Variants in FHIT observed in about 807,000 individuals in gnomAD.
FHIT encodes bis(5'-adenosyl)-triphosphatase.
A neutral mutation model predicts 17.9 loss-of-function variants in FHIT; 19 were observed. That is an observed-to-expected ratio of 1.06 (90% confidence interval 0.74 to 1.56). The LOEUF (loss-of-function observed/expected upper bound fraction) is 1.56, where lower values mean the gene tolerates loss of function less well. FHIT is among the 40% of genes most tolerant of loss of function. The pLI is 0.00. For missense variants in FHIT, 248 were observed against 189.2 expected, an observed-to-expected ratio of 1.31 and a Z score of -1.82; for synonymous variants, 81 against 69.7, an observed-to-expected ratio of 1.16 and a Z score of -0.81.
intron 5 of FHIT, among the ~76,000 whole-genome samples, chr3:60,080,355 T>G (rs527387675): frequency 6.6e-6 from 1 of 152,148 alleles, no homozygotes. Flanking sequence ...TCAGATTTAA[T>G]AGAAATAGCT....
chr3:60,430,973 A>G (rs556009443), intron 5 of FHIT, among the ~76,000 whole-genome samples: 14 of 152,120 alleles, frequency 9.2e-5, no homozygotes, highest in African/African-American at 3.4e-4. Flanking sequence ...GCACTTTGGG[A>G]GGCCAAAGTG....
intron 4 of FHIT, among the ~76,000 whole-genome samples, chr3:60,761,011 C>T (rs1312499320): frequency 6.6e-6 from 1 of 152,124 alleles, no homozygotes; most frequent in Non-Finnish European, 1.5e-5. Context: ...TGAAGCCTTA[C>T]TTTTAATAGC....
intron 7 of FHIT, among the ~76,000 whole-genome samples, chr3:59,946,576 T>C (rs559342215): frequency 9.2e-5 from 14 of 152,210 alleles, no homozygotes; most frequent in Admixed American, 2.0e-4. Context: ...GTGGTGAGAG[T>C]GGGCATCCTT....
At chr3:60,329,978 A>C (rs6762886) in intron 5 of FHIT, among the ~76,000 whole-genome samples, 55,907 of 152,174 alleles carry the variant, frequency 0.37, 12,046 homozygotes, top group South Asian at 0.58. Context: ...GGTATCATCA[A>C]ATTAAAAATT....
intron 8 of FHIT, among the ~76,000 whole-genome samples, chr3:59,836,508 T>A (rs1701345235): frequency 6.6e-6 from 1 of 152,194 alleles, no homozygotes; most frequent in Non-Finnish European, 1.5e-5. Flanking sequence ...ACAGGAAGGC[T>A]GACCTCTGCA....
chr3:60,197,966 A>G (rs1702722536), intron 5 of FHIT, among the ~76,000 whole-genome samples: 1 of 152,208 alleles, frequency 6.6e-6, no homozygotes, highest in South Asian at 2.1e-4. Flanking sequence ...TGATGAGCTG[A>G]AATCAGTTAT....
At chr3:59,796,187 T>G (rs1204230195) in intron 8 of FHIT, among the ~76,000 whole-genome samples, 1 of 152,200 alleles carries the variant, frequency 6.6e-6, no homozygotes, top group Admixed American at 6.5e-5. Flanking sequence ...CTAGCCTGTG[T>G]CCAACACATA....
At chr3:60,748,060 G>T (rs989861698) in intron 4 of FHIT, among the ~76,000 whole-genome samples, 2 of 152,140 alleles carry the variant, frequency 1.3e-5, no homozygotes, top group African/African-American at 4.8e-5. Flanking sequence ...ACTGCTGGGG[G>T]CCTTGAGTGT....
At chr3:60,356,296 G>A (rs1349172118) in intron 5 of FHIT, among the ~76,000 whole-genome samples, 1 of 152,124 alleles carries the variant, frequency 6.6e-6, no homozygotes. Flanking sequence ...AGAACAGATT[G>A]AGTTCAACTG....
chr3:59,933,294 A>G (rs1706063716), intron 7 of FHIT, among the ~76,000 whole-genome samples: 1 of 152,154 alleles, frequency 6.6e-6, no homozygotes, highest in Non-Finnish European at 1.5e-5. Flanking sequence ...ATAAGCCAAA[A>G]AGCTTTACTT....
intron 4 of FHIT, among the ~76,000 whole-genome samples, chr3:60,821,690 T>C (rs1378633205): frequency 2.6e-5 from 4 of 152,212 alleles, no homozygotes; most frequent in Non-Finnish European, 5.9e-5. Context: ...GAAGTCATCA[T>C]TCTTTTATTT....
intron 4 of FHIT, among the ~76,000 whole-genome samples, chr3:60,769,439 C>T (rs964280103): frequency 6.6e-6 from 1 of 152,144 alleles, no homozygotes; most frequent in African/African-American, 2.4e-5. Flanking sequence ...AGAGGTCTTA[C>T]AACTCAAGTG....
chr3:60,916,911 A>C (rs1258303963), intron 3 of FHIT, among the ~76,000 whole-genome samples: 13 of 152,206 alleles, frequency 8.5e-5, no homozygotes, highest in Non-Finnish European at 1.9e-4. Flanking sequence ...CGCATAAAAA[A>C]ATCCATCTCC....
At chr3:60,455,132 G>A (rs985572673) in intron 5 of FHIT, among the ~76,000 whole-genome samples, 2 of 152,036 alleles carry the variant, frequency 1.3e-5, no homozygotes, top group African/African-American at 4.8e-5. Context: ...GGTAGGGTGA[G>A]GGGAGTGAAT....
intron 2 of FHIT, among the ~76,000 whole-genome samples, chr3:61,046,516 A>C (rs2033795279): frequency 6.6e-6 from 1 of 152,194 alleles, no homozygotes; most frequent in Admixed American, 6.5e-5. Context: ...GCAACCAAAA[A>C]AAGTCCAGGA....
chr3:61,003,175 A>G (rs2031213691), intron 3 of FHIT, among the ~76,000 whole-genome samples: 1 of 152,220 alleles, frequency 6.6e-6, no homozygotes, highest in Non-Finnish European at 1.5e-5. Flanking sequence ...AGAGGAATCT[A>G]TGTCAGTCTA....
intron 5 of FHIT, among the ~76,000 whole-genome samples, chr3:60,130,784 G>GTATATACACACAGATATGTGTGTGTGTGT (rs148356992): frequency 9.0e-6 from 1 of 111,628 alleles, no homozygotes; most frequent in Non-Finnish European, 2.0e-5. Flanking sequence ...GTGTGTGTGT[G>GTATATACACACAGATATGTGTGTGTGTGT]GTGTGTATAT....
chr3:61,215,901 T>G (rs2039658902), intron 1 of FHIT, among the ~76,000 whole-genome samples: 1 of 152,348 alleles, frequency 6.6e-6, no homozygotes, highest in African/African-American at 2.4e-5. Flanking sequence ...GGGAAAGGAT[T>G]CCCTATTTAA....
intron 1 of FHIT, among the ~76,000 whole-genome samples, chr3:61,232,979 A>C (rs1251181628): frequency 1.3e-5 from 2 of 152,208 alleles, no homozygotes. Context: ...TGTGCTAATA[A>C]AAGTGGCTAC....
Sources: gnomAD v4.1 joint callset for allele counts (sites outside exome capture counted in the v4.1 genomes callset) on GRCh38, gnomAD v4.1.1 for gene constraint, MANE v1.5 for transcripts, NCBI Gene and HGNC (gene_info 2026-07-23, HGNC 2026-07-21) for gene names.